The following DNM3 variants were observed in gnomAD, a reference collection of about 807,000 sequenced individuals.
DNM3 encodes the protein dynamin-3.
DNM3 carries 47 observed loss-of-function variants against 101.6 expected under a neutral mutation model. The observed-to-expected ratio is 0.46, with a 90% confidence interval of 0.37 to 0.59. The LOEUF (loss-of-function observed/expected upper bound fraction) is 0.59. Among genes scored for constraint, DNM3 ranks in the 20% least tolerant of loss-of-function variants. The probability of loss-of-function intolerance (pLI) is 0.00; values close to 1 mark genes in which losing one functional copy is unlikely to be tolerated. For synonymous variants in DNM3, 385 were observed against 387.9 expected, an observed-to-expected ratio of 0.99 and a Z score of 0.09; for missense variants, 849 against 1,085.7, an observed-to-expected ratio of 0.78 and a Z score of 3.06.
At chr1:172,372,825 G>A (rs1033354425) in intron 17 of DNM3, among the ~76,000 whole-genome samples, 9 of 150,892 alleles carry the variant, frequency 6.0e-5, no homozygotes, top group Admixed American at 5.3e-4. Context: ...CTGGAACTAC[G>A]GGCATGCACC....
chr1:172,099,575 A>T (rs2054490568), intron 13 of DNM3, among the ~76,000 whole-genome samples: 1 of 152,178 alleles, frequency 6.6e-6, no homozygotes, highest in Non-Finnish European at 1.5e-5. Flanking sequence ...CCAGGAAAAA[A>T]AAAAAGACAA....
chr1:172,171,638 T>C (rs1450915115), intron 14 of DNM3, among the ~76,000 whole-genome samples: 1 of 151,758 alleles, frequency 6.6e-6, no homozygotes, highest in African/African-American at 2.4e-5. Context: ...CAGTGCCAGC[T>C]TCTCCTTGGT....
rs1051944655 is a variant in DNM3 at position 172,097,664 on chromosome 1, A to G, written c.1545+4789A>G. Among the ~76,000 whole-genome samples the G allele has an allele frequency of 2.0e-5, 3 of 152,178 alleles. No individual in the cohort carries two copies. In the East Asian group the frequency reaches 5.8e-4, roughly 29 times the overall value. On this transcript the variant is annotated intron_variant, in intron 13 of 20. Transcript: ENST00000627582. Reference sequence around the variant, plus strand: ...TGAATGGGGAACTGAAAAGGCAAATAAGAAGTGATGAGAGAGGTAGGAAAA... The same window carrying G: ...TGAATGGGGAACTGAAAAGGCAAATGAGAAGTGATGAGAGAGGTAGGAAAA...
chr1:172,169,114 A>AT (rs888603805), intron 14 of DNM3, among the ~76,000 whole-genome samples: 9 of 151,586 alleles, frequency 5.9e-5, no homozygotes, highest in East Asian at 1.9e-4. Context: ...TCACCATGCA[A>AT]TTTTTTTTAT....
intron 1 of DNM3, among the ~76,000 whole-genome samples, chr1:171,847,543 A>AG (rs1399993077): frequency 1.3e-5 from 2 of 151,878 alleles, no homozygotes; most frequent in Non-Finnish European, 2.9e-5. Flanking sequence ...CAAGGAAAAA[A>AG]AAAGAGATTG....
chr1:172,102,664 T>C (rs1461937781), intron 13 of DNM3, among the ~76,000 whole-genome samples: 1 of 152,162 alleles, frequency 6.6e-6, no homozygotes, highest in Admixed American at 6.5e-5. Flanking sequence ...AGTAGAGGCA[T>C]GGTCTTGTTT....
At chr1:171,891,286 A>G (rs1458099231) in intron 1 of DNM3, among the ~76,000 whole-genome samples, 2 of 152,048 alleles carry the variant, frequency 1.3e-5, no homozygotes, top group Non-Finnish European at 2.9e-5. Context: ...TATTTTTTTC[A>G]AATGAACGTT....
At chr1:171,881,264 G>C (rs2125126295) in intron 1 of DNM3, among the ~76,000 whole-genome samples, 1 of 152,126 alleles carries the variant, frequency 6.6e-6, no homozygotes, top group South Asian at 2.1e-4. Flanking sequence ...TTAATGATGT[G>C]GCCTTTTTAG....
chr1:172,082,034 A>G (rs2053188777), intron 12 of DNM3, 132 bp downstream of exon 12: 2 of 923,756 alleles, frequency 2.2e-6, no homozygotes, highest in East Asian at 2.5e-5. Context: ...CAGTGTGCCT[A>G]CTTAGGAAGT....
intron 17 of DNM3, among the ~76,000 whole-genome samples, chr1:172,368,563 GGAACTA>G (rs1165462146): frequency 6.6e-6 from 1 of 151,508 alleles, no homozygotes; most frequent in Non-Finnish European, 1.5e-5. Flanking sequence ...TGCACTTCAG[GGAACTA>G]GAAAAGCAAG....
At chr1:172,073,212 T>A (rs2052349996) in intron 11 of DNM3, among the ~76,000 whole-genome samples, 1 of 151,918 alleles carries the variant, frequency 6.6e-6, no homozygotes, top group East Asian at 1.9e-4. Flanking sequence ...TGTACATATA[T>A]GTATGTATGT....
intron 14 of DNM3, 77 bp downstream of exon 14, chr1:172,131,365 C>A: frequency 7.9e-7 from 1 of 1,259,530 alleles, no homozygotes; most frequent in Non-Finnish European, 1.1e-6. Context: ...TTATACTATG[C>A]AATTTTGAGA....
At chr1:172,347,226 T>C (rs1164513904) in intron 17 of DNM3, among the ~76,000 whole-genome samples, 2 of 151,940 alleles carry the variant, frequency 1.3e-5, no homozygotes, top group Non-Finnish European at 2.9e-5. Flanking sequence ...ATTTCCTCTC[T>C]GTAAAAATGC....
chr1:172,393,114 C>T (rs867431815), intron 20 of DNM3: 12 of 152,204 alleles, frequency 7.9e-5, no homozygotes, highest in African/African-American at 2.9e-4. Context: ...CCCACATTTT[C>T]AGTAATTTAT....
At chr1:171,944,393 A>T (rs2042019132) in intron 2 of DNM3, among the ~76,000 whole-genome samples, 1 of 151,216 alleles carries the variant, frequency 6.6e-6, no homozygotes, top group Non-Finnish European at 1.5e-5. Flanking sequence ...TTGTTTATTT[A>T]TAGATGGGGT....
At chr1:172,327,554 C>T (rs1335068870) in intron 17 of DNM3, among the ~76,000 whole-genome samples, 1 of 152,112 alleles carries the variant, frequency 6.6e-6, no homozygotes, top group Admixed American at 6.6e-5. Flanking sequence ...GCAGAGAGTA[C>T]AGTGTCATAA....
chr1:172,030,549 TG>T (rs2048528482), intron 4 of DNM3, among the ~76,000 whole-genome samples: 1 of 152,006 alleles, frequency 6.6e-6, no homozygotes, highest in Admixed American at 6.6e-5. Flanking sequence ...AATTGACAAA[TG>T]GGATCTAATT....
chr1:172,032,766 T>C (rs889114917), intron 5 of DNM3, among the ~76,000 whole-genome samples: 1 of 152,050 alleles, frequency 6.6e-6, no homozygotes, highest in Non-Finnish European at 1.5e-5. Context: ...GAAGGGAGGT[T>C]ATAAATATTC....
intron 1 of DNM3, among the ~76,000 whole-genome samples, chr1:171,852,381 T>C (rs546871830): frequency 6.6e-6 from 1 of 152,358 alleles, no homozygotes; most frequent in East Asian, 1.9e-4. Context: ...TTTTAGCAGA[T>C]GGATTTGTCC....
Sources: gnomAD v4.1 joint callset for allele counts (sites outside exome capture counted in the v4.1 genomes callset) on GRCh38, gnomAD v4.1.1 for gene constraint, MANE v1.5 for transcripts, NCBI Gene and HGNC (gene_info 2026-07-23, HGNC 2026-07-21) for gene names.